Variants in ABCG1 observed in about 807,000 individuals in gnomAD.
ABCG1 encodes the protein ATP binding cassette subfamily G member 1, also known as ATP-binding cassette sub-family G member 1.
In ABCG1, 29 loss-of-function variants were observed where a neutral mutation model predicts 69.2. The ratio of observed to expected loss-of-function variants is 0.42; its 90% CI spans 0.31 to 0.57. The LOEUF (loss-of-function observed/expected upper bound fraction) is 0.57, where lower values mean the gene tolerates loss of function less well. Ranked by LOEUF, ABCG1 falls within the 20% of genes least tolerant of loss-of-function variation. The probability of loss-of-function intolerance (pLI) is 0.15; values close to 1 mark genes in which losing one functional copy is unlikely to be tolerated. For missense variants in ABCG1, 718 were observed against 898.1 expected (o/e 0.80, Z 2.56); for synonymous variants, 370 against 374.8 (o/e 0.99, Z 0.15).
intron 2 of ABCG1, among the ~76,000 whole-genome samples, chr21:42,259,147 GC>G (rs2068360541): frequency 1.3e-5 from 2 of 152,186 alleles, no homozygotes; most frequent in African/African-American, 4.8e-5. Context: ...CCTTGCAAAG[GC>G]CCCTGCCTGG....
In ABCG1 at chr21:42,273,540, C is replaced by A; in HGVS notation, c.537+105C>A. ...TGCCCAGCTGCGAGGGACCCAAGGG[C>A]TCTGCCACGCGGCCTGCACAGGGCC... On this transcript the variant is annotated intron_variant, in intron 4 of 14. Transcript: ENST00000398449. The surrounding 1 kb of genome is among the most constrained non-coding windows in gnomAD (Gnocchi z 5.3). 1 of 1,369,346 alleles carries A rather than the reference C, an allele frequency of 7.3e-7. No homozygotes were observed. Among genetic ancestry groups the A allele is most frequent in the Non-Finnish European group, 9.9e-7 (1 of 1,013,202 alleles). 84.8% of individuals were successfully genotyped at this position (1,369,346 alleles called of 1,614,324 possible). A position where few individuals can be genotyped will look rare whatever the true frequency, so the allele number is the denominator to read the frequency against.
At chr21:42,237,609 A>AAATG (rs2067996240) in intron 2 of ABCG1, among the ~76,000 whole-genome samples, 1 of 152,270 alleles carries the variant, frequency 6.6e-6, no homozygotes, top group Non-Finnish European at 1.5e-5. Context: ...GCTGGCATGC[A>AAATG]AATGAATGAA....
At chr21:42,236,087 C>T (rs1361748687) in intron 2 of ABCG1, among the ~76,000 whole-genome samples, 1 of 152,158 alleles carries the variant, frequency 6.6e-6, no homozygotes, top group Non-Finnish European at 1.5e-5. Flanking sequence ...TTGATCCAAG[C>T]ATGTCTGAGC....
chr21:42,209,262 C>T lies in ABCG1; in HGVS notation c.48+7539C>T, dbSNP rs567666436. 6.6e-5 allele frequency among the ~76,000 whole-genome samples: 10 copies of T among 152,302 alleles called. No homozygotes were observed. The East Asian group carries it at 1.9e-3, about 29-fold the overall frequency. Reference sequence around the variant, plus strand: ...ATAGCAAAATGTGGGCTGCCTGGTGCCTGGTGTGAAAGTGTAAAACCCATG... The same window carrying T: ...ATAGCAAAATGTGGGCTGCCTGGTGTCTGGTGTGAAAGTGTAAAACCCATG... On this transcript the variant is annotated intron_variant, in intron 2 of 15. Transcript: ENST00000398457.
chr21:42,270,310 T>A (rs2068593738), intron 2 of ABCG1, among the ~76,000 whole-genome samples: 1 of 151,042 alleles, frequency 6.6e-6, no homozygotes, highest in South Asian at 2.1e-4. Context: ...ACATTATCTA[T>A]GCATCCAGTT....
chr21:42,278,930 G>A (rs1298600865), intron 5 of ABCG1, among the ~76,000 whole-genome samples: 1 of 152,052 alleles, frequency 6.6e-6, no homozygotes. Flanking sequence ...TACAGGACAA[G>A]AGGAGAGGCC....
chr21:42,262,032 A>G (rs1249044327), intron 2 of ABCG1, among the ~76,000 whole-genome samples: 1 of 152,204 alleles, frequency 6.6e-6, no homozygotes, highest in Admixed American at 6.5e-5. Context: ...AACTCGTTCA[A>G]TGAAACCTGA....
chr21:42,214,488 C>T (rs879594876), upstream of ABCG1, among the ~76,000 whole-genome samples: 15 of 152,340 alleles, frequency 9.8e-5, no homozygotes, highest in South Asian at 2.1e-4. Flanking sequence ...CCAACAGGGC[C>T]GGGGCCAGGC....
upstream of ABCG1, among the ~76,000 whole-genome samples, chr21:42,218,259 CAAAAGCATTAGGGCCTGAG>C (rs2067664685): frequency 6.6e-6 from 1 of 152,170 alleles, no homozygotes; most frequent in Non-Finnish European, 1.5e-5. Context: ...AACAACTGAA[CAAAAGCATTAGGGCCTGAG>C]ACTGGGAGTA....
chr21:42,281,325 G>A (rs1232002112), intron 5 of ABCG1, among the ~76,000 whole-genome samples: 3 of 152,202 alleles, frequency 2.0e-5, no homozygotes, highest in African/African-American at 7.2e-5. Context: ...GGAGCTCCAG[G>A]TGGGCTGTCC....
intron 2 of ABCG1, chr21:42,259,199 A>C: frequency 1.4e-6 from 2 of 1,418,282 alleles, no homozygotes; most frequent in Non-Finnish European, 1.8e-6. Context: ...TTGCGTTCCC[A>C]GATGTCGCTG....
At chr21:42,236,164 A>C (rs75159112) in intron 2 of ABCG1, among the ~76,000 whole-genome samples, 5 of 152,184 alleles carry the variant, frequency 3.3e-5, no homozygotes, top group Non-Finnish European at 1.5e-5. Context: ...GCCCTTGGGA[A>C]TCTGCAGCGT....
chr21:42,268,173 C>T (rs148904809), intron 2 of ABCG1, among the ~76,000 whole-genome samples: 200 of 152,200 alleles, frequency 1.3e-3, no homozygotes, highest in African/African-American at 4.4e-3. Flanking sequence ...GCCCTGTGAA[C>T]GAGAGCCCAC....
chr21:42,219,129 G>T, upstream of ABCG1: 1 of 845,146 alleles, frequency 1.2e-6, no homozygotes, highest in Non-Finnish European at 1.5e-6. This position sits in a 1 kb window ranked among gnomAD's most constrained non-coding sequence, Gnocchi z 5.3. Context: ...AGCCGGAGCC[G>T]GATCCCAGCC....
chr21:42,218,507 G>A (rs2234714), upstream of ABCG1, among the ~76,000 whole-genome samples: 50,833 of 152,002 alleles, frequency 0.33, 8,938 homozygotes, highest in East Asian at 0.46. Flanking sequence ...AGAGGGCAGA[G>A]GCCTGGGCAT....
intron 2 of ABCG1, among the ~76,000 whole-genome samples, chr21:42,252,012 A>G (rs1417928533): frequency 6.6e-6 from 1 of 152,224 alleles, no homozygotes; most frequent in African/African-American, 2.4e-5. Context: ...CACCCTGACC[A>G]TGCCATTGGG....
intron 2 of ABCG1, among the ~76,000 whole-genome samples, chr21:42,229,901 C>G (rs570892579): frequency 6.6e-6 from 1 of 152,180 alleles, no homozygotes; most frequent in Non-Finnish European, 1.5e-5. Context: ...TGGACCACTC[C>G]GGTTGTTTCC....
rs137997217 is a variant in ABCG1, at chr21:42,240,216, C to G, written c.286+14302C>G. Among the ~76,000 whole-genome samples, 97 of 152,318 alleles carry G rather than the reference C, an allele frequency of 6.4e-4. 1 individual carries two copies. Among genetic ancestry groups the G allele is most frequent in the Admixed American group, 2.9e-3 (45 of 15,304 alleles). On this transcript the variant is annotated intron_variant, in intron 2 of 14. Coordinates refer to ENST00000398449, the MANE Select transcript of ABCG1 (RefSeq NM_016818.3). ...CCAACGGCCACACGAGGCACTGCTT[C>G]CATGTTATCAGTGAGGAAACTGTGG...
chr21:42,247,834 T>G (rs967178698), intron 2 of ABCG1, among the ~76,000 whole-genome samples: 1 of 151,966 alleles, frequency 6.6e-6, no homozygotes, highest in African/African-American at 2.4e-5. Context: ...GACAGCCCCA[T>G]GAAGATGGAG....
Sources: allele counts gnomAD v4.1 joint callset (sites outside exome capture counted in the v4.1 genomes callset), GRCh38; gene constraint gnomAD v4.1.1; non-coding constraint Gnocchi (gnomAD v3.1); transcripts MANE v1.5; gene names NCBI Gene and HGNC (gene_info 2026-07-23, HGNC 2026-07-21).